UNC13C: variants seen among roughly 807,000 people sequenced by gnomAD.
UNC13C encodes unc-13 homolog C, also known as protein unc-13 homolog C.
In UNC13C, 174 loss-of-function variants were observed where a neutral mutation model predicts 245.4. That is an observed-to-expected ratio of 0.71 (90% CI 0.63 to 0.80). The LOEUF (loss-of-function observed/expected upper bound fraction) is 0.80, where lower values mean the gene tolerates loss of function less well. Ranked by LOEUF, UNC13C falls within the 30% of genes least tolerant of loss-of-function variation. The probability of loss-of-function intolerance (pLI) is 0.00; values close to 1 mark genes in which losing one functional copy is unlikely to be tolerated. For synonymous variants in UNC13C, 992 were observed against 895.1 expected, an observed-to-expected ratio of 1.11 and a Z score of -1.93; for missense variants, 2,829 against 2,602.9, an observed-to-expected ratio of 1.09 and a Z score of -1.89.
At chr15:53,939,647 G>T in the UNC13C span, among the ~76,000 whole-genome samples, 21 of 152,144 alleles carry the variant, frequency 1.4e-4, no homozygotes, top group Non-Finnish European at 2.9e-4. Context: ...CCACAATCAA[G>T]TTGGCTTCAT....
At chr15:53,881,217 T>C in the UNC13C span, among the ~76,000 whole-genome samples, 1 of 152,184 alleles carries the variant, frequency 6.6e-6, no homozygotes, top group Non-Finnish European at 1.5e-5. Flanking sequence ...ATATAAAGTG[T>C]CCAAGGTTTT....
At chr15:53,839,025 T>A in the UNC13C span, among the ~76,000 whole-genome samples, 1 of 152,272 alleles carries the variant, frequency 6.6e-6, no homozygotes. Flanking sequence ...TTTCTAAATG[T>A]TACTTTATCT....
intron 4 of UNC13C, among the ~76,000 whole-genome samples, chr15:54,163,994 G>A (rs2033070586): frequency 6.6e-6 from 1 of 152,158 alleles, no homozygotes; most frequent in Non-Finnish European, 1.5e-5. Context: ...GGTATGGTGG[G>A]AGTTTGCTAA....
intron 19 of UNC13C, among the ~76,000 whole-genome samples, chr15:54,451,005 A>G (rs1190203739): frequency 3.3e-5 from 5 of 152,064 alleles, no homozygotes; most frequent in Non-Finnish European, 7.4e-5. Flanking sequence ...TTTACTGTGT[A>G]TAGTATTTTT....
At chr15:54,280,534 C>T (rs755386262) in intron 10 of UNC13C, among the ~76,000 whole-genome samples, 1 of 150,982 alleles carries the variant, frequency 6.6e-6, no homozygotes, top group Non-Finnish European at 1.5e-5. Flanking sequence ...GTGCTCATTG[C>T]AGACGGAAAT....
At chr15:54,157,002 C>G (rs2032778172) in intron 4 of UNC13C, among the ~76,000 whole-genome samples, 1 of 151,966 alleles carries the variant, frequency 6.6e-6, no homozygotes, top group African/African-American at 2.4e-5. Flanking sequence ...GTATAAGTAA[C>G]TTTTAAGGAG....
At chr15:53,959,211 T>C in the UNC13C span, among the ~76,000 whole-genome samples, 1 of 152,306 alleles carries the variant, frequency 6.6e-6, no homozygotes, top group Non-Finnish European at 1.5e-5. Context: ...CTTAGGTTGA[T>C]TCCATATTTT....
At chr15:54,049,671 C>A in intron 2 of UNC13C, 1 of 215,572 alleles carries the variant, frequency 4.6e-6, no homozygotes, top group Non-Finnish European at 9.4e-6. Flanking sequence ...TGAGTGCCGT[C>A]AGTTGACCAC....
chr15:54,209,645 C>T (rs2034820536), intron 4 of UNC13C, among the ~76,000 whole-genome samples: 1 of 152,078 alleles, frequency 6.6e-6, no homozygotes, highest in African/African-American at 2.4e-5. Context: ...AACTCCTGGG[C>T]TCAAACAGTC....
chr15:54,516,473 G>A (rs1187462471), intron 24 of UNC13C, among the ~76,000 whole-genome samples: 1 of 152,066 alleles, frequency 6.6e-6, no homozygotes, highest in African/African-American at 2.4e-5. Context: ...ACTGGTCTGG[G>A]GACCATGCAT....
At chr15:54,346,163 T>C (rs940116204) in intron 17 of UNC13C, among the ~76,000 whole-genome samples, 1 of 152,204 alleles carries the variant, frequency 6.6e-6, no homozygotes, top group African/African-American at 2.4e-5. Flanking sequence ...CATCTTTGTA[T>C]TCCCAGTGCC....
intron 19 of UNC13C, among the ~76,000 whole-genome samples, chr15:54,420,527 C>CT (rs1465054904): frequency 6.6e-6 from 1 of 151,776 alleles, no homozygotes; most frequent in African/African-American, 2.4e-5. Flanking sequence ...GTGATGAACT[C>CT]TAAGAGTCAA....
At chr15:54,260,031 A>C (rs190268528) in intron 8 of UNC13C, among the ~76,000 whole-genome samples, 3 of 152,120 alleles carry the variant, frequency 2.0e-5, no homozygotes, top group African/African-American at 7.2e-5. Flanking sequence ...AATTATGCCA[A>C]TCATTTTATC....
Position 54,014,512 on chromosome 15 carries a change from T to A in UNC13C, c.1609T>A (p.Ser537Thr), listed in dbSNP as rs1895545166. The A allele has an allele frequency of 1.2e-6, 2 of 1,613,738 alleles. No homozygotes were observed. Among genetic ancestry groups the A allele is most frequent in the Non-Finnish European group, 8.5e-7 (1 of 1,179,844 alleles). ...TGCAGATGCAACACCTCTCTGGCAC[T>A]CACAGAGTGATTTTTTCACTGCTAA... ...HYADATPLWH[S>T]QSDFFTAKLS... Residue 537 changes from serine to threonine, a missense_variant, in exon 2 of 33, where the codon TCA becomes ACA. Ser to Thr is a moderately conservative substitution (Grantham distance 58, BLOSUM62 1). Transcript: ENST00000260323.
chr15:54,587,260 T>C (rs1233791135), intron 30 of UNC13C, among the ~76,000 whole-genome samples: 1 of 147,372 alleles, frequency 6.8e-6, no homozygotes, highest in Non-Finnish European at 1.5e-5. Flanking sequence ...CATGTTGATT[T>C]TACACAAATA....
intron 30 of UNC13C, among the ~76,000 whole-genome samples, chr15:54,580,909 A>T (rs550884181): frequency 6.6e-6 from 1 of 151,932 alleles, no homozygotes; most frequent in Non-Finnish European, 1.5e-5. Flanking sequence ...GTTTCTAGGA[A>T]CCCCTTCTCC....
At chr15:53,985,557 T>A (rs553998473) in intron 1 of UNC13C, among the ~76,000 whole-genome samples, 1 of 152,028 alleles carries the variant, frequency 6.6e-6, no homozygotes, top group East Asian at 1.9e-4. Context: ...CAACCCTGAT[T>A]TATTCTTACT....
chr15:54,528,552 C>G (rs1017731654), intron 25 of UNC13C, among the ~76,000 whole-genome samples: 2 of 151,548 alleles, frequency 1.3e-5, no homozygotes, highest in Non-Finnish European at 2.9e-5. Flanking sequence ...TATTCTTTTT[C>G]TATTTTTTCA....
chr15:54,062,132 C>T (rs1897868483), intron 2 of UNC13C, among the ~76,000 whole-genome samples: 1 of 151,868 alleles, frequency 6.6e-6, no homozygotes, highest in African/African-American at 2.4e-5. Context: ...CCAGCCTGGC[C>T]AGCATGGTGA....
Sources: gnomAD v4.1 joint callset for allele counts (sites outside exome capture counted in the v4.1 genomes callset) on GRCh38, gnomAD v4.1.1 for gene constraint, MANE v1.5 for transcripts, NCBI Gene and HGNC (gene_info 2026-07-23, HGNC 2026-07-21) for gene names.